GIT1: variants seen among roughly 807,000 people sequenced by gnomAD.
The protein encoded by GIT1 is GIT ArfGAP 1.
GIT1 carries 14 observed loss-of-function variants against 91.7 expected under a neutral mutation model. That is an observed-to-expected ratio of 0.15 (90% CI 0.10 to 0.24). GIT1 has a LOEUF of 0.24. Ranked by LOEUF, GIT1 falls within the 10% of genes least tolerant of loss-of-function variation. The pLI, the probability that GIT1 is intolerant of heterozygous loss-of-function variation, is 1.00. For missense variants in GIT1, 717 were observed against 1,024.9 expected (o/e 0.70, Z 4.10); for synonymous variants, 414 against 418.2 (o/e 0.99, Z 0.12).
rs2033410863 is a variant in GIT1 at position 29,581,922 on chromosome 17, C to T, written c.623+5G>A. 1 of 1,612,648 alleles carries T rather than the reference C, an allele frequency of 6.2e-7. No homozygotes were observed. The highest frequency in any genetic ancestry group is 1.3e-5 in the African/African-American group (1 of 74,906). ...CCCACACTGCACCCTTCAGCCGACC[C>T]TCACCTGGCATAGTCAATGGGTGTG... On this transcript the variant is annotated splice_donor_5th_base_variant and intron_variant, in intron 5 of 19. Coordinates refer to ENST00000225394, the MANE Select transcript of GIT1 (RefSeq NM_014030.4). The surrounding 1 kb of genome is among the most constrained non-coding windows in gnomAD (Gnocchi z 4.8).
At chr17:29,582,612 C>T (rs1001218093) in intron 4 of GIT1, 86 bp downstream of exon 4, 3 of 919,642 alleles carry the variant, frequency 3.3e-6, no homozygotes, top group Non-Finnish European at 5.3e-6. Context: ...GCCCAGGGCT[C>T]AGTGGGGACA....
Position 29,578,781 on chromosome 17 carries a change from T to C in GIT1, c.762-2A>G. The C allele has an allele frequency of 6.2e-7, 1 of 1,614,004 alleles. No homozygotes were observed. The highest frequency in any genetic ancestry group is 8.5e-7 in the Non-Finnish European group (1 of 1,179,892). On this transcript the variant is annotated splice_acceptor_variant, in intron 7 of 19. Coordinates refer to ENST00000225394, the MANE Select transcript of GIT1 (RefSeq NM_014030.4). LOFTEE classifies it high-confidence loss of function. ...TTGGCCAATTCGGATAAGTCAAGGC[T>C]GAGGGCAGAGGGAGATGGGAATTGG...
chr17:29,583,917 C>CTCAGCCT (rs2033492376), intron 1 of GIT1: 1 of 412,474 alleles, frequency 2.4e-6, no homozygotes, highest in South Asian at 5.0e-5. Context: ...CTACCAGTCT[C>CTCAGCCT]TCAGCCTTTT....
Position 29,577,244 on chromosome 17 carries a change from G to A in GIT1, c.985C>T (p.Arg329Ter), listed in dbSNP as rs764542510. Residue 329 changes from arginine to a stop codon, truncating the protein, a stop_gained, in exon 11 of 20, where the codon CGA becomes TGA. Coordinates refer to ENST00000225394, the MANE Select transcript of GIT1 (RefSeq NM_014030.4). LOFTEE classifies it high-confidence loss of function. ...GCATTAAAGCGGGCCAGCTTTTGTC[G>A]CCCCTGCAAGGCAGAAAGGGCCAGG... is the stretch of plus-strand genomic sequence containing the variant. ...PEYSATRNQG[R>*]QKLARFNARE... is the part of the protein sequence containing the mutation. 4 of 1,613,384 alleles carry A rather than the reference G, an allele frequency of 2.5e-6. No individual in the cohort carries two copies. Among genetic ancestry groups the A allele is most frequent in the Admixed American group, 1.7e-5 (1 of 60,016 alleles).
Position 29,582,987 on chromosome 17 carries a change from G to A in GIT1, c.237C>T (p.Ser79=). Residue 79 remains serine, a synonymous_variant, in exon 3 of 20, where the codon TCC becomes TCT. Coordinates refer to ENST00000225394, the MANE Select transcript of GIT1 (RefSeq NM_014030.4). ...TCTGCACTTGTGCGGGGTCCAGCAG[G>A]GAGTGCTCCCAGATGGAGTTGGCCC... The part of the protein sequence containing the change: ...SNGANSIWEH[S]LLDPAQVQSG... 1 of 1,612,304 alleles carries A rather than the reference G, an allele frequency of 6.2e-7. No homozygotes were observed. Among genetic ancestry groups the A allele is most frequent in the Non-Finnish European group, 8.5e-7 (1 of 1,179,886 alleles).
chr17:29,577,579 T>C (rs1290686801), intron 10 of GIT1, 66 bp downstream of exon 10: 27 of 1,052,258 alleles, frequency 2.6e-5, no homozygotes, highest in Non-Finnish European at 3.4e-5. Context: ...CCCAGCCCAC[T>C]GCCGGATGAG....
In GIT1 at chr17:29,573,829, G is replaced by A. The variant is rs1232403560; in HGVS notation, c.*873C>T. 6.6e-6 allele frequency: 1 copy of A among 151,798 alleles called. No homozygotes were observed. The highest frequency in any genetic ancestry group is 2.5e-5 in the African/African-American group (1 of 40,520). The allele number at this position is 151,798 out of a possible 1,614,324, so 9.4% of individuals were successfully genotyped here. On this transcript the variant is annotated 3_prime_UTR_variant, in exon 20 of 20. Transcript: ENST00000225394. ...GCACACATTCCCCCTCCACGCAGGA[G>A]CAGGAGGAGATGGAGGGAAGTGGTT...
rs770890535 is a variant in GIT1, at chr17:29,583,459, G to A, written c.186+24C>T. The A allele has an allele frequency of 6.2e-5, 100 of 1,607,824 alleles. No homozygotes were observed. In the Admixed American group the frequency reaches 1.5e-3, roughly 24 times the overall value. ...GCACACTCTGCCTGAGGGGAAGGAA[G>A]AACCACCCGACTGAGCCCTGTACCT... On this transcript the variant is annotated intron_variant, in intron 2 of 19. Coordinates refer to ENST00000225394, the MANE Select transcript of GIT1 (RefSeq NM_014030.4).
chr17:29,582,740 G>A lies in GIT1; in HGVS notation c.363C>T (p.Pro121=). 6.2e-7 allele frequency: 1 copy of A among 1,613,736 alleles called. No individual in the cohort carries two copies. The highest frequency in any genetic ancestry group is 8.5e-7 in the Non-Finnish European group (1 of 1,179,980). ...CGGTGACTCCATCATCGTCCCGGCA[G>A]GGAAGCTTGTGCACAAATGCCAGCA... The part of the protein sequence containing the change: ...YQMLAFVHKL[P]CRDDDGVTAK... The change falls in exon 4 of 20, where the codon CCC becomes CCT. Residue 121 remains proline, a synonymous_variant. Coordinates refer to ENST00000225394, the MANE Select transcript of GIT1 (RefSeq NM_014030.4).
At chr17:29,578,830 TGGCCA>T (rs950950835) in intron 7 of GIT1, 51 bp from the exon 8 acceptor site, 1 of 1,590,538 alleles carries the variant, frequency 6.3e-7, no homozygotes, top group Non-Finnish European at 8.6e-7. Context: ...ACCTGAGAGG[TGGCCA>T]GGCCCATGCC....
rs1294178704 is a variant in GIT1 at position 29,577,583 on chromosome 17, G to A, written c.981+62C>T. The A allele has an allele frequency of 4.5e-5, 49 of 1,083,012 alleles. No individual in the cohort carries two copies. The Admixed American group carries it at 5.9e-4, about 13-fold the overall frequency. 67.1% of individuals were successfully genotyped at this position (1,083,012 alleles called of 1,614,324 possible). A position where few individuals can be genotyped will look rare whatever the true frequency, so the allele number is the denominator to read the frequency against. Reference sequence around the variant, plus strand: ...CTGGCTCAGGCCCCAGCCCACTGCCGGATGAGGAGGGACCGCGGGGATGAA... The same window carrying A: ...CTGGCTCAGGCCCCAGCCCACTGCCAGATGAGGAGGGACCGCGGGGATGAA... On this transcript the variant is annotated intron_variant, in intron 10 of 19. Coordinates refer to ENST00000225394, the MANE Select transcript of GIT1 (RefSeq NM_014030.4).
At chr17:29,587,253 C>T (rs1279418183) in intron 1 of GIT1, among the ~76,000 whole-genome samples, 1 of 152,078 alleles carries the variant, frequency 6.6e-6, no homozygotes, top group Non-Finnish European at 1.5e-5. Context: ...GGCCAGCATC[C>T]TAGGGTCCAG....
At chr17:29,579,161 G>C in intron 7 of GIT1, 1 of 627,356 alleles carries the variant, frequency 1.6e-6, no homozygotes, top group East Asian at 2.8e-5. Context: ...TCCTCCTCTG[G>C]CTTGCTCTTC....
chr17:29,585,036 A>AAGGGACCCCCTCCCAAT (rs1252034040), intron 1 of GIT1, among the ~76,000 whole-genome samples: 2 of 117,464 alleles, frequency 1.7e-5, no homozygotes, highest in Non-Finnish European at 3.3e-5. Flanking sequence ...TAGGCTTTTT[A>AAGGGACCCCCTCCCAAT]AGGGACCCCC....
In GIT1 at chr17:29,589,501, CG is replaced by C. The variant is rs1386285795; in HGVS notation, c.-124del. 1 of 246,854 alleles carries C rather than the reference CG, an allele frequency of 4.1e-6. No individual in the cohort carries two copies. Among genetic ancestry groups the C allele is most frequent in the Non-Finnish European group, 6.3e-6 (1 of 157,762 alleles). The allele number at this position is 246,854 out of a possible 1,614,324, so 15.3% of individuals were successfully genotyped here. On this transcript the variant is annotated 5_prime_UTR_variant, in exon 1 of 20. Coordinates refer to ENST00000225394, the MANE Select transcript of GIT1 (RefSeq NM_014030.4). The surrounding 1 kb of genome is among the most constrained non-coding windows in gnomAD (Gnocchi z 5.2). ...CCGGCGAGGCCCCGGCGAGGCTCCG[CG>C]CGCCCGGCCAACCGTCCGCCCCGGG...
intron 4 of GIT1, among the ~76,000 whole-genome samples, chr17:29,582,434 G>C (rs2033432976): frequency 6.6e-6 from 1 of 152,242 alleles, no homozygotes; most frequent in South Asian, 2.1e-4. Flanking sequence ...GAGGCTATGA[G>C]TGGCTAAGCA....
intron 1 of GIT1, among the ~76,000 whole-genome samples, chr17:29,587,300 A>G (rs2150855302): frequency 6.6e-6 from 1 of 152,262 alleles, no homozygotes; most frequent in East Asian, 1.9e-4. Flanking sequence ...CAGGGTCCTA[A>G]CAAGCAGCCA....
intron 10 of GIT1, 136 bp downstream of exon 10, chr17:29,577,509 T>A: frequency 1.4e-6 from 1 of 725,982 alleles, no homozygotes. Context: ...CCTTCCCAAA[T>A]CCCAGTGCCA....
rs373310684 is a variant in GIT1 at position 29,575,733 on chromosome 17, G to A, written c.1753-30C>T. On this transcript the variant is annotated intron_variant, in intron 16 of 19. Transcript: ENST00000225394. This position sits in a 1 kb window ranked among gnomAD's most constrained non-coding sequence, Gnocchi z 5.5. ...AGGGCGGAGGGAAGGGGCTGTGAGCGCCGTGTTCCTGGACCCACACTGCCC... is the reference window on the plus strand; with the variant it reads ...AGGGCGGAGGGAAGGGGCTGTGAGCACCGTGTTCCTGGACCCACACTGCCC... 1.4e-5 allele frequency: 23 copies of A among 1,610,796 alleles called. No homozygotes were observed. The African/African-American group carries it at 2.0e-4, about 14-fold the overall frequency.
Sources: allele counts gnomAD v4.1 joint callset (sites outside exome capture counted in the v4.1 genomes callset), GRCh38; gene constraint gnomAD v4.1.1; non-coding constraint Gnocchi (gnomAD v3.1); transcripts MANE v1.5; gene names NCBI Gene and HGNC (gene_info 2026-07-23, HGNC 2026-07-21).